The following ARID3A variants were observed in gnomAD, a reference collection of about 807,000 sequenced individuals.
The protein encoded by ARID3A is AT-rich interactive domain-containing protein 3A.
ARID3A carries 11 observed loss-of-function variants against 52.7 expected under a neutral mutation model. That is an observed-to-expected ratio of 0.21 (90% CI 0.13 to 0.35). ARID3A has a LOEUF of 0.35. Ranked by LOEUF, ARID3A falls within the 10% of genes least tolerant of loss-of-function variation. The pLI is 1.00. For missense variants in ARID3A, 721 were observed against 838.5 expected (o/e 0.86, Z 1.73); for synonymous variants, 404 against 359.4 (o/e 1.12, Z -1.40).
intron 3 of ARID3A, among the ~76,000 whole-genome samples, chr19:940,096 G>T (rs2037515598): frequency 6.6e-6 from 1 of 152,010 alleles, no homozygotes; most frequent in South Asian, 2.1e-4. Flanking sequence ...AGGGGCATTG[G>T]GGCTGGGGCT....
At chr19:952,959 G>A (rs1275220170) in intron 3 of ARID3A, among the ~76,000 whole-genome samples, 1 of 152,164 alleles carries the variant, frequency 6.6e-6, no homozygotes, top group Admixed American at 6.5e-5. Context: ...TGTGACCTTG[G>A]GCACTGCTGG....
intron 3 of ARID3A, among the ~76,000 whole-genome samples, chr19:936,239 C>T (rs1207487163): frequency 6.6e-6 from 1 of 152,190 alleles, no homozygotes; most frequent in African/African-American, 2.4e-5. Context: ...CTTCATATGC[C>T]ATACAATTCA....
At chr19:939,777 C>T (rs189502520) in intron 3 of ARID3A, among the ~76,000 whole-genome samples, 14 of 152,276 alleles carry the variant, frequency 9.2e-5, no homozygotes, top group African/African-American at 3.1e-4. Flanking sequence ...TCGGTCATTT[C>T]CCTGTTGTAA....
intron 2 of ARID3A, 120 bp from the exon 3 acceptor site, chr19:932,298 G>T: frequency 6.5e-7 from 1 of 1,528,912 alleles, no homozygotes; most frequent in Non-Finnish European, 8.7e-7. Flanking sequence ...CTGAGCTGGC[G>T]GCGGCCGGCT....
intron 3 of ARID3A, among the ~76,000 whole-genome samples, chr19:948,460 T>G (rs1208785776): frequency 2.6e-5 from 4 of 152,042 alleles, no homozygotes; most frequent in Non-Finnish European, 5.9e-5. Flanking sequence ...AGCGCCAGCT[T>G]CCGCTTCTTG....
intron 1 of ARID3A, among the ~76,000 whole-genome samples, chr19:927,546 C>T (rs773136432): frequency 1.8e-4 from 27 of 151,808 alleles, no homozygotes; most frequent in Non-Finnish European, 3.4e-4. Flanking sequence ...TTGGCCTCTT[C>T]CTTCTGTGCC....
At chr19:968,288 G>C (rs1428164885) in intron 7 of ARID3A, 117 bp from the exon 8 acceptor site, 4 of 780,238 alleles carry the variant, frequency 5.1e-6, no homozygotes, top group Non-Finnish European at 7.9e-6. Flanking sequence ...GAACCCAGGA[G>C]GCAGAGCTTG....
intron 6 of ARID3A, 96 bp downstream of exon 6, chr19:965,176 A>G (rs1384672406): frequency 8.7e-6 from 12 of 1,384,174 alleles, no homozygotes; most frequent in Admixed American, 5.4e-5. Flanking sequence ...CTGGGTAACC[A>G]GGATGAAAAA....
intron 3 of ARID3A, among the ~76,000 whole-genome samples, chr19:952,799 G>A (rs539530228): frequency 2.0e-5 from 3 of 152,140 alleles, no homozygotes; most frequent in South Asian, 2.1e-4. Flanking sequence ...GCAGACAGGC[G>A]GTTTCTTTAC....
intron 3 of ARID3A, among the ~76,000 whole-genome samples, chr19:936,174 A>G (rs2037434830): frequency 6.6e-6 from 1 of 152,240 alleles, no homozygotes; most frequent in Admixed American, 6.5e-5. Context: ...AACAATTCTA[A>G]TAAGTGTTGA....
rs1025258441 is a variant in ARID3A at position 944,711 on chromosome 19, G to A, written c.693+11969G>A. Among the ~76,000 whole-genome samples the A allele has an allele frequency of 3.3e-5, 5 of 152,074 alleles. No homozygotes were observed. The highest frequency in any genetic ancestry group is 7.4e-5 in the Non-Finnish European group (5 of 68,008). The stretch of plus-strand genomic sequence containing the variant: ...TGCAGTCATAGCTCACTGCAGCCTC[G>A]ACCTCCCGGGCTCCGGTGATCTTCC... On this transcript the variant is annotated intron_variant, in intron 3 of 8. Coordinates refer to ENST00000263620, the MANE Select transcript of ARID3A (RefSeq NM_005224.3). The surrounding 1 kb of genome is among the most constrained non-coding windows in gnomAD (Gnocchi z 5.9).
At position 964,397 on chromosome 19, in the gene ARID3A, T is replaced by A; in HGVS notation, c.916T>A (p.Ser306Thr). The change falls in exon 5 of 9, where the codon TCC becomes ACC. Residue 306 changes from serine (S) to threonine (T), a missense_variant. Physicochemically the swap from Ser to Thr is moderately conservative, Grantham distance 58. This residue lies in a region of ARID3A where 43 missense variants were observed against 143.7 expected (regional missense o/e 0.30). Coordinates refer to ENST00000263620, the MANE Select transcript of ARID3A (RefSeq NM_005224.3). The surrounding 1 kb of genome is among the most constrained non-coding windows in gnomAD (Gnocchi z 5.7). ...CACCAAGGGCCTCAACCTGCCCACG[T>A]CCATCACCAGTGCAGCCTTCACCCT... ...EITKGLNLPT[S>T]ITSAAFTLRT... 1 of 1,610,034 alleles carries A rather than the reference T, an allele frequency of 6.2e-7. No individual in the cohort carries two copies. The highest frequency in any genetic ancestry group is 1.1e-5 in the South Asian group (1 of 90,486).
rs571100132 is a variant in ARID3A at position 957,352 on chromosome 19, C to G, written c.694-2740C>G. 5.3e-5 allele frequency among the ~76,000 whole-genome samples: 8 copies of G among 152,328 alleles called. No homozygotes were observed. The South Asian group carries it at 1.4e-3, about 28-fold the overall frequency. On this transcript the variant is annotated intron_variant, in intron 3 of 8. Coordinates refer to ENST00000263620, the MANE Select transcript of ARID3A (RefSeq NM_005224.3). ...AGCAGGGCGGGGCTCTGGGCCAAGT[C>G]CCCAGCAGCCCCCAGGCTCTGGTCC...
chr19:949,351 C>T (rs868121877), intron 3 of ARID3A, among the ~76,000 whole-genome samples: 4 of 151,414 alleles, frequency 2.6e-5, no homozygotes, highest in South Asian at 4.2e-4. Flanking sequence ...GCCTCTGCCC[C>T]GGGCCTCCGC....
rs1051504 is a variant in ARID3A at position 971,933 on chromosome 19, A to C, written c.1650A>C (p.Gly550=). 2.5e-6 allele frequency: 4 copies of C among 1,583,296 alleles called. No homozygotes were observed. The highest frequency in any genetic ancestry group is 2.8e-5 in the African/African-American group (2 of 72,330). ...CGCCAACCTCTGCTCCCAACAAAGG[A>C]GGCGGCGGCGGCGGCGGCAGCAGCA... ...APTPTSAPNK[G]GGGGGGSSSN... is the part of the protein sequence containing the mutation. Residue 550 remains glycine (G), a synonymous_variant, in exon 9 of 9, where the codon GGA becomes GGC. Transcript: ENST00000263620.
rs981216210 is a variant in ARID3A at position 942,103 on chromosome 19, G to A, written c.693+9361G>A. On this transcript the variant is annotated intron_variant, in intron 3 of 8. Transcript: ENST00000263620. The surrounding 1 kb of genome is among the most constrained non-coding windows in gnomAD (Gnocchi z 8.1). ...GCCTCCCCTGCCCGCCATGGGCTCT[G>A]GAGCCAGCCTAGCCGATGATGGAGC... 7.9e-5 allele frequency among the ~76,000 whole-genome samples: 12 copies of A among 152,196 alleles called. No individual in the cohort carries two copies. The highest frequency in any genetic ancestry group is 1.5e-4 in the Non-Finnish European group (10 of 68,024).
rs778825521 is a variant in ARID3A at position 929,762 on chromosome 19, C to T, written c.234C>T (p.Pro78=). The T allele has an allele frequency of 9.1e-5, 141 of 1,552,776 alleles. No individual in the cohort carries two copies. The highest frequency in any genetic ancestry group is 3.6e-4 in the Middle Eastern group (2 of 5,580). The change falls in exon 2 of 9, where the codon CCC becomes CCT. Residue 78 remains proline, a synonymous_variant. Coordinates refer to ENST00000263620, the MANE Select transcript of ARID3A (RefSeq NM_005224.3). The surrounding 1 kb of genome is among the most constrained non-coding windows in gnomAD (Gnocchi z 6.2). ...AAAGLGHPAS[P]GGSEDGPPGS... ...CGGGCCTGGGACACCCAGCCAGCCCCGGCGGCTCTGAGGATGGGCCCCCAG... is the reference window on the plus strand; with the variant it reads ...CGGGCCTGGGACACCCAGCCAGCCCTGGCGGCTCTGAGGATGGGCCCCCAG...
chr19:926,788 C>T (rs1321729731), intron 1 of ARID3A, among the ~76,000 whole-genome samples: 1 of 151,816 alleles, frequency 6.6e-6, no homozygotes, highest in Non-Finnish European at 1.5e-5. Context: ...GCAGGAAGCG[C>T]TGGGAGCGCG....
chr19:961,515 C>T (rs988728123), intron 4 of ARID3A, among the ~76,000 whole-genome samples: 8 of 152,224 alleles, frequency 5.3e-5, no homozygotes, highest in Non-Finnish European at 1.2e-4. Context: ...TTCGCACCTG[C>T]TCAGCCCTGA....
Sources: gnomAD v4.1 joint callset for allele counts (sites outside exome capture counted in the v4.1 genomes callset) on GRCh38, gnomAD v4.1.1 for gene constraint, gnomAD v4.1.1 regional missense constraint, Gnocchi (gnomAD v3.1) non-coding constraint, MANE v1.5 for transcripts, NCBI Gene and HGNC (gene_info 2026-07-23, HGNC 2026-07-21) for gene names.